Variants in NCAPD2 observed in about 807,000 individuals in gnomAD.
The protein encoded by NCAPD2 is non-SMC condensin I complex subunit D2, also known as condensin complex subunit 1.
In NCAPD2, 100 loss-of-function variants were observed where a neutral mutation model predicts 164.5. That is an observed-to-expected ratio of 0.61 (90% confidence interval 0.52 to 0.72). NCAPD2 has a LOEUF of 0.72. NCAPD2 is among the 30% of genes least tolerant of loss of function. The pLI is 0.00. For synonymous variants in NCAPD2, 585 were observed against 642.6 expected, an observed-to-expected ratio of 0.91 and a Z score of 1.36; for missense variants, 1,560 against 1,749.2, an observed-to-expected ratio of 0.89 and a Z score of 1.93.
At chr12:6,502,240 G>C (rs1946045265) in intron 2 of NCAPD2, among the ~76,000 whole-genome samples, 1 of 152,108 alleles carries the variant, frequency 6.6e-6, no homozygotes, top group African/African-American at 2.4e-5. Flanking sequence ...TGTATGTATG[G>C]GCATAGATGC....
At chr12:6,525,803 G>A (rs925611616) in intron 18 of NCAPD2, 87 bp downstream of exon 18, 1 of 1,543,210 alleles carries the variant, frequency 6.5e-7, no homozygotes, top group South Asian at 1.2e-5. Flanking sequence ...CATTGTCACA[G>A]TGAGGCCCAA....
chr12:6,501,835 T>A (rs1412755803), intron 2 of NCAPD2, among the ~76,000 whole-genome samples: 1 of 152,104 alleles, frequency 6.6e-6, no homozygotes, highest in Non-Finnish European at 1.5e-5. Context: ...GGACGCTAAA[T>A]AAAGAGAGTG....
intron 2 of NCAPD2, among the ~76,000 whole-genome samples, chr12:6,503,599 G>A (rs7305381): frequency 0.16 from 23,822 of 151,790 alleles, 2,151 homozygotes; most frequent in East Asian, 0.31. Flanking sequence ...GTGAAACCCC[G>A]TCTCTACTAA....
chr12:6,515,144 G>A (rs1304907666), intron 9 of NCAPD2, among the ~76,000 whole-genome samples: 1 of 152,020 alleles, frequency 6.6e-6, no homozygotes, highest in African/African-American at 2.4e-5. Flanking sequence ...GTTCTGGTAA[G>A]GGAGATGACA....
intron 2 of NCAPD2, among the ~76,000 whole-genome samples, chr12:6,500,727 C>T (rs1360265718): frequency 6.6e-6 from 1 of 152,250 alleles, no homozygotes; most frequent in South Asian, 2.1e-4. Flanking sequence ...TCTAGAGCCT[C>T]GTAGATCATG....
At position 6,503,008 on chromosome 12, in the gene NCAPD2, C is replaced by CTTTTTTTTTTTTT. The variant is rs58563520; in HGVS notation, c.128-6700_128-6688dup. Among the ~76,000 whole-genome samples the CTTTTTTTTTTTTT allele has an allele frequency of 5.2e-4, 45 of 86,296 alleles. 1 individual carries two copies. The highest frequency in any genetic ancestry group is 7.3e-4 in the Admixed American group (5 of 6,820). The allele number at this position is 86,296 out of a possible 152,430, so 56.6% of individuals were successfully genotyped here. On this transcript the variant is annotated intron_variant, in intron 2 of 31. Coordinates refer to ENST00000315579, the MANE Select transcript of NCAPD2 (RefSeq NM_014865.4). ...TACAGGCGCATGCCACCACACCTGGCTTTTTTTTTTTTTTTTTTTTTGTAT... is the reference window on the plus strand; with the variant it reads ...TACAGGCGCATGCCACCACACCTGGCTTTTTTTTTTTTTTTTTTTTTTTTTTTTTTTTTTGTAT...
At chr12:6,505,959 GTT>G (rs929088634) in intron 2 of NCAPD2, among the ~76,000 whole-genome samples, 35 of 151,936 alleles carry the variant, frequency 2.3e-4, no homozygotes, top group Admixed American at 1.6e-3. Context: ...TGTGTGTGAG[GTT>G]TTTTGGTGTT....
chr12:6,526,719 A>G, intron 21 of NCAPD2, 104 bp downstream of exon 21: 1 of 1,478,916 alleles, frequency 6.8e-7, no homozygotes, highest in Non-Finnish European at 9.2e-7. Flanking sequence ...CTTAGTGTAC[A>G]CTGTGTCGTT....
intron 2 of NCAPD2, among the ~76,000 whole-genome samples, chr12:6,499,221 AT>A (rs1346307287): frequency 1.3e-5 from 2 of 151,368 alleles, no homozygotes; most frequent in Non-Finnish European, 2.9e-5. Flanking sequence ...CTTTCTTTTT[AT>A]TTTTTTAAGA....
In NCAPD2 at chr12:6,530,011, A is replaced by C. The variant is rs929529622; in HGVS notation, c.3837+53A>C. On this transcript the variant is annotated intron_variant, in intron 29 of 31. Coordinates refer to ENST00000315579, the MANE Select transcript of NCAPD2 (RefSeq NM_014865.4). ...TGTTGGGTTCTGGGCTGGCTAAGAC[A>C]TCTGCCGGCCCTGGGCAGCATACGG... 4 of 1,551,456 alleles carry C rather than the reference A, an allele frequency of 2.6e-6. No homozygotes were observed. In the African/African-American group the frequency reaches 5.4e-5, roughly 21 times the overall value.
chr12:6,497,882 G>T (rs962128696), intron 2 of NCAPD2, among the ~76,000 whole-genome samples: 1 of 151,096 alleles, frequency 6.6e-6, no homozygotes, highest in East Asian at 1.9e-4. Flanking sequence ...CTCCCAAAGT[G>T]CTGGGATTAC....
intron 16 of NCAPD2, 94 bp downstream of exon 16, chr12:6,523,096 G>T: frequency 1.3e-6 from 2 of 1,521,778 alleles, no homozygotes; most frequent in Non-Finnish European, 1.8e-6. Flanking sequence ...CATTTCTCCA[G>T]GGGAGTTCCA....
intron 2 of NCAPD2, among the ~76,000 whole-genome samples, chr12:6,503,684 T>C (rs1181079844): frequency 6.6e-6 from 1 of 151,652 alleles, no homozygotes; most frequent in Admixed American, 6.6e-5. Flanking sequence ...GGCGGGAGAA[T>C]CACTTGAACC....
chr12:6,518,892 AT>A (rs946819601), intron 13 of NCAPD2, among the ~76,000 whole-genome samples: 8 of 144,156 alleles, frequency 5.5e-5, no homozygotes, highest in Admixed American at 1.4e-4. Context: ...ATTGGGCTGA[AT>A]TTTTTTTTTG....
rs776389793 is a variant in NCAPD2 at position 6,527,021 on chromosome 12, C to T, written c.2865C>T (p.Leu955=). 1.9e-5 allele frequency: 31 copies of T among 1,613,758 alleles called. No individual in the cohort carries two copies. Among genetic ancestry groups the T allele is most frequent in the Non-Finnish European group, 2.5e-5 (29 of 1,179,838 alleles). Residue 955 remains leucine (L), a synonymous_variant, in exon 22 of 32, where the codon CTC becomes CTT. Transcript: ENST00000315579. The part of the protein sequence containing the change: ...VSGELCRRRV[L]REEQEHKTKD... ...GAGAGCTCTGCCGGCGCCGAGTTCT[C>T]CGGGAAGAACAGGAGCACAAGACCA...
intron 13 of NCAPD2, among the ~76,000 whole-genome samples, chr12:6,519,728 T>G (rs1592173677): frequency 1.3e-5 from 2 of 152,136 alleles, no homozygotes; most frequent in South Asian, 4.1e-4. Context: ...TATGGCTGGG[T>G]GCAATGGCTC....
intron 3 of NCAPD2, 133 bp downstream of exon 3, chr12:6,509,925 A>G: frequency 8.0e-7 from 1 of 1,249,866 alleles, no homozygotes; most frequent in South Asian, 1.3e-5. Flanking sequence ...TCTACTGATG[A>G]GCATGTACCC....
At position 6,495,223 on chromosome 12, in the gene NCAPD2, G is replaced by C; in HGVS notation, c.125G>C (p.Arg42Thr). Residue 42 changes from arginine to threonine, a missense_variant and splice_region_variant, in exon 2 of 32, where the codon AGA (arginine) becomes ACA (threonine). Coordinates refer to ENST00000315579, the MANE Select transcript of NCAPD2 (RefSeq NM_014865.4). ...ATCAAACATCTTCCACCACAGCTTAGAGGTAAGAGTCCATAGCTGTCACTG... is the reference window on the plus strand; with the variant it reads ...ATCAAACATCTTCCACCACAGCTTACAGGTAAGAGTCCATAGCTGTCACTG... ...LSIKHLPPQL[R>T]AFQAAFRAQG... is the part of the protein sequence containing the mutation. 1.2e-6 allele frequency: 2 copies of C among 1,614,128 alleles called. No homozygotes were observed. Among genetic ancestry groups the C allele is most frequent in the South Asian group, 2.2e-5 (2 of 91,080 alleles).
intron 2 of NCAPD2, among the ~76,000 whole-genome samples, chr12:6,507,983 G>C (rs934942433): frequency 6.6e-6 from 1 of 151,996 alleles, no homozygotes; most frequent in African/African-American, 2.4e-5. Flanking sequence ...AGGAGTTCGA[G>C]ACCAGCCTGG....
Sources: allele counts gnomAD v4.1 joint callset (sites outside exome capture counted in the v4.1 genomes callset), GRCh38; gene constraint gnomAD v4.1.1; transcripts MANE v1.5; gene names NCBI Gene and HGNC (gene_info 2026-07-23, HGNC 2026-07-21).